SIPA1L2: variants seen among roughly 807,000 people sequenced by gnomAD.
SIPA1L2 encodes signal induced proliferation associated 1 like 2.
In SIPA1L2, 56 loss-of-function variants were observed where a neutral mutation model predicts 163.9. That is an observed-to-expected ratio of 0.34 (90% CI 0.28 to 0.43). SIPA1L2 has a LOEUF of 0.43. Ranked by LOEUF, SIPA1L2 falls within the 20% of genes least tolerant of loss-of-function variation. The pLI is 1.00. For synonymous variants in SIPA1L2, 877 were observed against 865.7 expected, an observed-to-expected ratio of 1.01 and a Z score of -0.23; for missense variants, 1,974 against 2,193.5, an observed-to-expected ratio of 0.90 and a Z score of 2.00.
chr1:232,438,858 T>C (rs1184533475), intron 15 of SIPA1L2, among the ~76,000 whole-genome samples: 1 of 151,158 alleles, frequency 6.6e-6, no homozygotes, highest in Non-Finnish European at 1.5e-5. Flanking sequence ...GCGATTAATA[T>C]CTCTATTGAC....
chr1:232,417,248 G>C (rs775990666), intron 18 of SIPA1L2, among the ~76,000 whole-genome samples: 79 of 152,146 alleles, frequency 5.2e-4, no homozygotes, highest in Non-Finnish European at 7.8e-4. Flanking sequence ...GACAAATGCA[G>C]CTCTTACCAG....
At chr1:232,525,605 G>C (rs141738989) in intron 2 of SIPA1L2, among the ~76,000 whole-genome samples, 2 of 152,160 alleles carry the variant, frequency 1.3e-5, no homozygotes, top group Admixed American at 1.3e-4. Context: ...CACCCCACGA[G>C]ACGCTTGGTG....
chr1:232,488,047 G>A (rs1665738764), intron 5 of SIPA1L2, among the ~76,000 whole-genome samples: 1 of 151,716 alleles, frequency 6.6e-6, no homozygotes, highest in South Asian at 2.1e-4. Context: ...TCTGCCTCCC[G>A]GTTCAAGTGA....
chr1:232,493,271 A>T (rs1475203624), intron 4 of SIPA1L2, among the ~76,000 whole-genome samples: 1 of 152,166 alleles, frequency 6.6e-6, no homozygotes, highest in Non-Finnish European at 1.5e-5. Flanking sequence ...CCTTTTCTTC[A>T]TAAATTACCC....
intron 10 of SIPA1L2, among the ~76,000 whole-genome samples, chr1:232,459,073 G>A (rs1039603627): frequency 6.6e-6 from 1 of 152,180 alleles, no homozygotes; most frequent in Non-Finnish European, 1.5e-5. Context: ...GGAGGCAAAT[G>A]CTAAGATAAC....
intron 19 of SIPA1L2, among the ~76,000 whole-genome samples, chr1:232,415,101 C>T (rs552718358): frequency 2.6e-5 from 4 of 152,286 alleles, no homozygotes; most frequent in African/African-American, 7.2e-5. Context: ...GCTTGTCCGG[C>T]GAAGCCCAGC....
intron 15 of SIPA1L2, among the ~76,000 whole-genome samples, chr1:232,436,848 C>T (rs188272276): frequency 1.3e-5 from 2 of 152,294 alleles, no homozygotes; most frequent in Admixed American, 1.3e-4. Context: ...GAATTCCATG[C>T]TGAGCAAAAG....
At chr1:232,434,489 G>A (rs1470795234) in intron 15 of SIPA1L2, among the ~76,000 whole-genome samples, 2 of 152,046 alleles carry the variant, frequency 1.3e-5, no homozygotes, top group East Asian at 1.9e-4. Context: ...TCGGGAAGAC[G>A]CTGCACTGCC....
intron 1 of SIPA1L2, among the ~76,000 whole-genome samples, chr1:232,593,289 G>A (rs1661061039): frequency 6.6e-6 from 1 of 152,116 alleles, no homozygotes; most frequent in Non-Finnish European, 1.5e-5. Context: ...ACAAGCATAA[G>A]TAATAATGAT....
chr1:232,516,155 C>G (rs548047141), intron 2 of SIPA1L2, among the ~76,000 whole-genome samples: 6 of 152,304 alleles, frequency 3.9e-5, no homozygotes, highest in African/African-American at 1.4e-4. Flanking sequence ...AAATGTCCCA[C>G]AGCAAAATGG....
intron 1 of SIPA1L2, among the ~76,000 whole-genome samples, chr1:232,624,034 A>G (rs1341311344): frequency 6.6e-6 from 1 of 152,144 alleles, no homozygotes; most frequent in African/African-American, 2.4e-5. Flanking sequence ...CATTTGTTTT[A>G]TGTCCATAAT....
rs947757054 is a variant in SIPA1L2 at position 232,443,696 on chromosome 1, G to A, written c.3354-11C>T. ...TTGCTGGGTGAGCTTCTGAAAGGTT[G>A]AGTAGAATCATTAACAGGGCACTGA... On this transcript the variant is annotated splice_polypyrimidine_tract_variant and intron_variant, in intron 11 of 22. Coordinates refer to ENST00000674635, the MANE Select transcript of SIPA1L2 (RefSeq NM_020808.5). 5.6e-6 allele frequency: 9 copies of A among 1,605,130 alleles called. No individual in the cohort carries two copies. The highest frequency in any genetic ancestry group is 7.7e-6 in the Non-Finnish European group (9 of 1,175,676).
At chr1:232,429,015 C>T (rs980362012) in intron 16 of SIPA1L2, among the ~76,000 whole-genome samples, 1 of 152,134 alleles carries the variant, frequency 6.6e-6, no homozygotes, top group Non-Finnish European at 1.5e-5. Context: ...CCGGGGTTTA[C>T]GAGTCATCAA....
chr1:232,440,514 G>A (rs4649371), intron 14 of SIPA1L2, among the ~76,000 whole-genome samples: 1 of 152,012 alleles, frequency 6.6e-6, no homozygotes, highest in Non-Finnish European at 1.5e-5. Context: ...ATACGGTGAG[G>A]CTGACTCAAG....
chr1:232,522,600 C>T (rs1317768525), intron 2 of SIPA1L2, among the ~76,000 whole-genome samples: 1 of 151,380 alleles, frequency 6.6e-6, no homozygotes, highest in African/African-American at 2.4e-5. Flanking sequence ...AAGACATAGA[C>T]ATGTCCTGGC....
intron 10 of SIPA1L2, among the ~76,000 whole-genome samples, chr1:232,458,992 T>TA (rs942603663): frequency 1.3e-5 from 2 of 152,334 alleles, no homozygotes; most frequent in South Asian, 2.1e-4. Flanking sequence ...AGAGAAAACT[T>TA]AGTTTCTTAA....
chr1:232,630,315 C>A (rs983719465), upstream of SIPA1L2, among the ~76,000 whole-genome samples: 1 of 151,952 alleles, frequency 6.6e-6, no homozygotes, highest in African/African-American at 2.4e-5. Context: ...GTTCCCAGGC[C>A]CCGCGGCGCG....
rs534417965 is a variant in SIPA1L2 at position 232,445,575 on chromosome 1, T to A, written c.3307A>T (p.Ile1103Phe). 1.2e-6 allele frequency: 2 copies of A among 1,614,000 alleles called. No homozygotes were observed. Among genetic ancestry groups the A allele is most frequent in the East Asian group, 2.2e-5 (1 of 44,870 alleles). ...CGGTCGAAGGAGGTGCTTCGAGGAA[T>A]GGCAGCCTGGGCCTGCTGGAGCAGC... ...QQLLQQAQAA[I>F]PRSTSFDRKL... Residue 1103 changes from isoleucine (I) to phenylalanine (F), a missense_variant, in exon 11 of 23, where the codon ATT (isoleucine) becomes TTT (phenylalanine). Ile to Phe is a conservative substitution (Grantham distance 21, BLOSUM62 0). Around this residue, in one of 3 missense-constraint regions of SIPA1L2, gnomAD observed 1,079 missense variants for 1,150.7 expected, o/e 0.94. Coordinates refer to ENST00000674635, the MANE Select transcript of SIPA1L2 (RefSeq NM_020808.5).
At chr1:232,508,744 G>A (rs1383940809) in intron 3 of SIPA1L2, among the ~76,000 whole-genome samples, 1 of 152,224 alleles carries the variant, frequency 6.6e-6, no homozygotes, top group Non-Finnish European at 1.5e-5. Context: ...GCCCGTGAAA[G>A]GAAGGGACTT....
Sources: allele counts gnomAD v4.1 joint callset (sites outside exome capture counted in the v4.1 genomes callset), GRCh38; gene constraint gnomAD v4.1.1; regional missense constraint gnomAD v4.1.1; transcripts MANE v1.5; gene names NCBI Gene and HGNC (gene_info 2026-07-23, HGNC 2026-07-21).